Variants in FNDC1 observed in about 807,000 individuals in gnomAD.
FNDC1 encodes the protein fibronectin type III domain containing 1.
Under a neutral mutation model 168.0 loss-of-function variants are expected in FNDC1, and 96 were observed. The ratio of observed to expected loss-of-function variants is 0.57; its 90% confidence interval spans 0.48 to 0.68. The LOEUF is 0.68. FNDC1 is among the 30% of genes least tolerant of loss of function. The pLI is 0.00. For missense variants in FNDC1, 2,587 were observed against 2,482.1 expected, an observed-to-expected ratio of 1.04 and a Z score of -0.90; for synonymous variants, 1,099 against 1,025.9, an observed-to-expected ratio of 1.07 and a Z score of -1.36.
chr6:159,234,582 A>T (rs1562302280), intron 11 of FNDC1, 103 bp downstream of exon 11: 1 of 1,063,182 alleles, frequency 9.4e-7, no homozygotes, highest in East Asian at 2.6e-5. Flanking sequence ...TACTATGTCC[A>T]CGCACCGTGT....
At chr6:159,209,259 T>A (rs1782549779) in intron 4 of FNDC1, among the ~76,000 whole-genome samples, 1 of 152,240 alleles carries the variant, frequency 6.6e-6, no homozygotes, top group Admixed American at 6.5e-5. Context: ...TCCAGGCTTC[T>A]GGGCTGGGGG....
At chr6:159,258,563 A>G (rs1777419608) in intron 18 of FNDC1, among the ~76,000 whole-genome samples, 1 of 152,250 alleles carries the variant, frequency 6.6e-6, no homozygotes, top group Non-Finnish European at 1.5e-5. Context: ...GGGTGAGGAG[A>G]GGCGGGACAG....
rs538304059 is a variant in FNDC1 at position 159,220,481 on chromosome 6, A to G, written c.668-1117A>G. ...AAGCTGCAACAGGAGCCTTGGTCAG[A>G]GAGTCTGGAGTGAGGCATTAGCAAT... is the stretch of plus-strand genomic sequence containing the variant. On this transcript the variant is annotated intron_variant, in intron 5 of 22. Transcript: ENST00000297267. Among the ~76,000 whole-genome samples, 6 of 152,350 alleles carry G rather than the reference A, an allele frequency of 3.9e-5. No homozygotes were observed. The East Asian group carries it at 9.6e-4, about 24-fold the overall frequency.
rs755132836 is a variant in FNDC1 at position 159,232,699 on chromosome 6, G to A, written c.2187G>A (p.Leu729=). The change falls in exon 11 of 23, where the codon CTG becomes CTA. Residue 729 remains leucine, a synonymous_variant. Coordinates refer to ENST00000297267, the MANE Select transcript of FNDC1 (RefSeq NM_032532.3). This position sits in a 1 kb window ranked among gnomAD's most constrained non-coding sequence, Gnocchi z 4.9. ...CACCCCATGGGGGATCATCTCGGCTGCTGCCCACCCAGCCACACCTGAGCT... is the reference window on the plus strand; with the variant it reads ...CACCCCATGGGGGATCATCTCGGCTACTGCCCACCCAGCCACACCTGAGCT... ...LSPPHGGSSR[L]LPTQPHLSSP... is the part of the protein sequence containing the mutation. The A allele has an allele frequency of 5.0e-6, 8 of 1,613,874 alleles. No individual in the cohort carries two copies. In the South Asian group the frequency reaches 8.8e-5, roughly 18 times the overall value.
intron 16 of FNDC1, 49 bp downstream of exon 16, chr6:159,249,231 T>C: frequency 6.5e-7 from 1 of 1,548,200 alleles, no homozygotes; most frequent in African/African-American, 1.4e-5. Flanking sequence ...TAACTTGTGG[T>C]CTTTGAAGAA....
In FNDC1 at chr6:159,169,646, G is replaced by T; in HGVS notation, c.50G>T (p.Trp17Leu). 8.6e-7 allele frequency: 1 copy of T among 1,158,680 alleles called. No homozygotes were observed. The highest frequency in any genetic ancestry group is 4.1e-5 in the South Asian group (1 of 24,574). 71.8% of individuals were successfully genotyped at this position (1,158,680 alleles called of 1,614,324 possible). A position where few individuals can be genotyped will look rare whatever the true frequency, so the allele number is the denominator to read the frequency against. ...CTGCGCGCGCCGCGCCGGCTGTCCT[G>T]GGCGGCGCTGCTGCTCTTGGCCGCG... ...ATLRAPRRLS[W>L]AALLLLAALL... is the part of the protein sequence containing the mutation. Residue 17 changes from tryptophan (W) to leucine (L), a missense_variant, in exon 1 of 23, where the codon TGG becomes TTG. By Grantham distance (61) the Trp-to-Leu change is moderately conservative. Coordinates refer to ENST00000297267, the MANE Select transcript of FNDC1 (RefSeq NM_032532.3). The surrounding 1 kb of genome is among the most constrained non-coding windows in gnomAD (Gnocchi z 6.8).
chr6:159,176,290 A>G (rs1263893922), intron 1 of FNDC1, among the ~76,000 whole-genome samples: 1 of 152,186 alleles, frequency 6.6e-6, no homozygotes, highest in Non-Finnish European at 1.5e-5. Flanking sequence ...TCATTCATCC[A>G]TTCAGCAAGG....
chr6:159,171,355 C>T (rs537855316), intron 1 of FNDC1, among the ~76,000 whole-genome samples: 1 of 152,200 alleles, frequency 6.6e-6, no homozygotes, highest in Non-Finnish European at 1.5e-5. Flanking sequence ...ACAGACATAG[C>T]AACCTGTAGA....
chr6:159,184,235 T>C (rs977864220), intron 1 of FNDC1, among the ~76,000 whole-genome samples: 1 of 152,242 alleles, frequency 6.6e-6, no homozygotes, highest in Non-Finnish European at 1.5e-5. Flanking sequence ...TTGCTTAGAA[T>C]CTGACACATA....
intron 1 of FNDC1, among the ~76,000 whole-genome samples, chr6:159,182,206 C>A (rs560176616): frequency 6.6e-6 from 1 of 152,336 alleles, no homozygotes; most frequent in East Asian, 1.9e-4. Context: ...ATCATCTGAG[C>A]AGATTGTGTG....
intron 1 of FNDC1, among the ~76,000 whole-genome samples, chr6:159,175,891 C>G (rs1583847224): frequency 6.6e-6 from 1 of 152,320 alleles, no homozygotes; most frequent in East Asian, 1.9e-4. Flanking sequence ...CTAAGACACT[C>G]AGTTTTGTTT....
intron 1 of FNDC1, among the ~76,000 whole-genome samples, chr6:159,184,316 G>A (rs957677116): frequency 1.3e-5 from 2 of 152,192 alleles, no homozygotes; most frequent in African/African-American, 4.8e-5. Flanking sequence ...GTCAGCAAAT[G>A]TTCCTTTCCT....
chr6:159,240,131 G>A (rs1294797242), intron 14 of FNDC1, among the ~76,000 whole-genome samples, 174 bp downstream of exon 14: 1 of 152,146 alleles, frequency 6.6e-6, no homozygotes, highest in Non-Finnish European at 1.5e-5. Flanking sequence ...CACAGCTAAG[G>A]TTGGAAGACT....
chr6:159,245,041 A>AGAGAGT (rs1181606728), intron 14 of FNDC1, among the ~76,000 whole-genome samples: 1 of 152,206 alleles, frequency 6.6e-6, no homozygotes, highest in Non-Finnish European at 1.5e-5. Context: ...GGCAAGAGAG[A>AGAGAGT]GAGAGTGAGA....
chr6:159,234,570 C>A, intron 11 of FNDC1, 91 bp downstream of exon 11: 1 of 1,151,920 alleles, frequency 8.7e-7, no homozygotes, highest in Non-Finnish European at 1.3e-6. Flanking sequence ...GCATTTAGCA[C>A]CTACTATGTC....
At chr6:159,250,190 A>G (rs890661333) in intron 16 of FNDC1, among the ~76,000 whole-genome samples, 25 of 152,332 alleles carry the variant, frequency 1.6e-4, no homozygotes, top group African/African-American at 5.8e-4. Context: ...AAAGCATAGG[A>G]GCCCACTCCC....
intron 2 of FNDC1, 49 bp downstream of exon 2, chr6:159,197,674 A>G: frequency 1.3e-6 from 2 of 1,500,702 alleles, no homozygotes; most frequent in African/African-American, 1.4e-5. Flanking sequence ...CTGTGCACCA[A>G]CATTCTCAGT....
At chr6:159,194,122 A>G (rs1782194194) in intron 1 of FNDC1, among the ~76,000 whole-genome samples, 1 of 152,232 alleles carries the variant, frequency 6.6e-6, no homozygotes, top group Non-Finnish European at 1.5e-5. Context: ...ACTCAAAGAC[A>G]GTCTTGAATG....
intron 4 of FNDC1, among the ~76,000 whole-genome samples, chr6:159,202,539 G>T (rs1782402505): frequency 6.6e-6 from 1 of 152,154 alleles, no homozygotes; most frequent in Admixed American, 6.5e-5. Flanking sequence ...AGGCCCAAAG[G>T]GATTCACTTT....
Sources: gnomAD v4.1 joint callset for allele counts (sites outside exome capture counted in the v4.1 genomes callset) on GRCh38, gnomAD v4.1.1 for gene constraint, Gnocchi (gnomAD v3.1) non-coding constraint, MANE v1.5 for transcripts, NCBI Gene and HGNC (gene_info 2026-07-23, HGNC 2026-07-21) for gene names.